ABI2: variants seen among roughly 807,000 people sequenced by gnomAD.
ABI2 encodes abelson interactor 2.
A neutral mutation model predicts 59.2 loss-of-function variants in ABI2; 25 were observed. That is an observed-to-expected ratio of 0.42 (90% confidence interval 0.31 to 0.59). ABI2 has a LOEUF of 0.59. Ranked by LOEUF, ABI2 falls within the 20% of genes least tolerant of loss-of-function variation. The pLI is 0.14. For missense variants in ABI2, 545 were observed against 681.8 expected (o/e 0.80, Z 2.23); for synonymous variants, 213 against 235.5 (o/e 0.90, Z 0.87).
intron 1 of ABI2, among the ~76,000 whole-genome samples, chr2:203,343,411 A>T (rs550120231): frequency 1.3e-5 from 2 of 152,216 alleles, no homozygotes; most frequent in Non-Finnish European, 2.9e-5. Flanking sequence ...TGGTACAAAC[A>T]TGTTATGTGC....
At chr2:203,379,288 C>A (rs1326257264) in intron 2 of ABI2, among the ~76,000 whole-genome samples, 3 of 152,170 alleles carry the variant, frequency 2.0e-5, no homozygotes, top group Non-Finnish European at 1.5e-5. Flanking sequence ...TGCTCTGTCA[C>A]CCAGGCTAGA....
rs10527327 is a variant in ABI2, at chr2:203,385,139, C to CTTTTTTTTTTT, written c.480+2936_480+2946dup. Among the ~76,000 whole-genome samples the CTTTTTTTTTTT allele has an allele frequency of 1.4e-4, 10 of 69,958 alleles. 1 individual carries two copies. Among genetic ancestry groups the CTTTTTTTTTTT allele is most frequent in the African/African-American group, 2.4e-4 (5 of 20,988 alleles). 45.9% of individuals were successfully genotyped at this position (69,958 alleles called of 152,430 possible). A position where few individuals can be genotyped will look rare whatever the true frequency, so the allele number is the denominator to read the frequency against. ...TGAGCCACCGCACCCGGCTCAGATT[C>CTTTTTTTTTTT]TTTTTTTTTTTTTGAGACAGTCTTG... is the stretch of plus-strand genomic sequence containing the variant. On this transcript the variant is annotated intron_variant, in intron 4 of 11. Coordinates refer to ENST00000261018, the MANE Select transcript of ABI2 (RefSeq NM_001375670.1).
chr2:203,351,587 A>G (rs780432085), intron 1 of ABI2: 1 of 438,942 alleles, frequency 2.3e-6, no homozygotes, highest in South Asian at 1.6e-5. Flanking sequence ...GCAGGCTGGA[A>G]TGCAGTGGTG....
intron 1 of ABI2, among the ~76,000 whole-genome samples, chr2:203,340,894 C>T (rs2079468065): frequency 6.6e-6 from 1 of 152,144 alleles, no homozygotes; most frequent in Non-Finnish European, 1.5e-5. Flanking sequence ...CAGCATCTAG[C>T]CTTGACATCA....
chr2:203,332,802 T>A (rs1318735924), intron 1 of ABI2, among the ~76,000 whole-genome samples: 1 of 152,224 alleles, frequency 6.6e-6, no homozygotes, highest in Non-Finnish European at 1.5e-5. Context: ...CCCTGAAATC[T>A]GAAAAGCCAA....
intron 11 of ABI2, among the ~76,000 whole-genome samples, chr2:203,423,753 A>G (rs143313907): frequency 0.01 from 1,567 of 152,260 alleles, 23 homozygotes; most frequent in African/African-American, 0.035. Context: ...GCATGGTACC[A>G]TTATTCTTTG....
chr2:203,396,856 G>T lies in ABI2; in HGVS notation c.922G>T (p.Ala308Ser). The T allele has an allele frequency of 6.5e-7, 1 of 1,534,652 alleles. No homozygotes were observed. Among genetic ancestry groups the T allele is most frequent in the Non-Finnish European group, 8.7e-7 (1 of 1,146,398 alleles). The part of the protein sequence containing the change: ...SASAPAPLVP[A>S]TVPSSTAPDA... ...ATCTGCCCCTGCTCCTCTTGTTCCT[G>T]CTACTGTCCCTTCCTCCACTGCCCC... The change falls in exon 8 of 12, where the codon GCT (alanine) becomes TCT (serine). Residue 308 changes from alanine (A) to serine (S), a missense_variant. By Grantham distance (99) the Ala-to-Ser change is moderately conservative. Coordinates refer to ENST00000261018, the MANE Select transcript of ABI2 (RefSeq NM_001375670.1).
intron 1 of ABI2, among the ~76,000 whole-genome samples, chr2:203,353,006 G>T (rs1270578132): frequency 6.6e-6 from 1 of 151,862 alleles, no homozygotes; most frequent in Non-Finnish European, 1.5e-5. Context: ...ATACCATATA[G>T]CCTAGTGTGT....
intron 1 of ABI2, among the ~76,000 whole-genome samples, chr2:203,336,373 G>A (rs1438431873): frequency 6.6e-6 from 1 of 152,172 alleles, no homozygotes; most frequent in African/African-American, 2.4e-5. Flanking sequence ...GGCTGCATAG[G>A]CCAGTGCTTG....
chr2:203,337,394 C>G (rs1038565063), intron 1 of ABI2, among the ~76,000 whole-genome samples: 2 of 152,120 alleles, frequency 1.3e-5, no homozygotes, highest in African/African-American at 4.8e-5. Context: ...CCATTTATAA[C>G]AGCAGAAAGA....
Position 203,396,782 on chromosome 2 carries a change from C to T in ABI2, c.851-3C>T, listed in dbSNP as rs1453957069. The T allele has an allele frequency of 1.3e-6, 2 of 1,525,572 alleles. No homozygotes were observed. The highest frequency in any genetic ancestry group is 1.8e-6 in the Non-Finnish European group (2 of 1,142,466). 94.5% of individuals were successfully genotyped at this position (1,525,572 alleles called of 1,614,324 possible). A position where few individuals can be genotyped will look rare whatever the true frequency, so the allele number is the denominator to read the frequency against. On this transcript the variant is annotated splice_region_variant and splice_polypyrimidine_tract_variant and intron_variant, in intron 7 of 11. Transcript: ENST00000261018. The stretch of plus-strand genomic sequence containing the variant: ...GCTGCCTCTTACTCCTCTTTCCCCT[C>T]AGCCCCTGCTGGCTCTGCTGGCACT...
At chr2:203,340,761 C>T (rs527784071) in intron 1 of ABI2, among the ~76,000 whole-genome samples, 1 of 151,898 alleles carries the variant, frequency 6.6e-6, no homozygotes, top group South Asian at 2.1e-4. Context: ...ATGTGTGTAT[C>T]ATGTCATCAT....
At chr2:203,377,496 G>C (rs944293043) in intron 2 of ABI2, among the ~76,000 whole-genome samples, 7 of 152,104 alleles carry the variant, frequency 4.6e-5, no homozygotes, top group Non-Finnish European at 8.8e-5. Flanking sequence ...ACCTTTTATT[G>C]ATCTGACGAA....
At chr2:203,422,662 A>G (rs1426732016) in intron 11 of ABI2, among the ~76,000 whole-genome samples, 1 of 152,206 alleles carries the variant, frequency 6.6e-6, no homozygotes, top group Non-Finnish European at 1.5e-5. Context: ...ACATTAGACA[A>G]AGAACTGAGA....
intron 1 of ABI2, among the ~76,000 whole-genome samples, chr2:203,330,497 G>C (rs1304333184): frequency 6.6e-6 from 1 of 152,020 alleles, no homozygotes; most frequent in Admixed American, 6.6e-5. Flanking sequence ...TACCTAGTAG[G>C]AGAGGCTGAT....
Position 203,370,186 on chromosome 2 carries a change from T to TTCTCTCTCTCTCTC in ABI2, c.285+3170_285+3183dup, listed in dbSNP as rs71007509. ...GGCTACGTATGGTGTCATTCTCCTA[T>TTCTCTCTCTCTCTC]TCTCTCTCTCTCTCTCTCTCTCTCT... On this transcript the variant is annotated intron_variant, in intron 2 of 11. Transcript: ENST00000261018. 4.6e-3 allele frequency among the ~76,000 whole-genome samples: 628 copies of TTCTCTCTCTCTCTC among 136,678 alleles called. 6 individuals carry two copies. The highest frequency in any genetic ancestry group is 9.8e-3 in the Admixed American group (132 of 13,516). 89.7% of individuals were successfully genotyped at this position (136,678 alleles called of 152,430 possible). A position where few individuals can be genotyped will look rare whatever the true frequency, so the allele number is the denominator to read the frequency against.
intron 10 of ABI2, among the ~76,000 whole-genome samples, chr2:203,413,338 G>A (rs1312339214): frequency 1.3e-5 from 2 of 152,212 alleles, no homozygotes; most frequent in Non-Finnish European, 2.9e-5. Context: ...AGTGAAAGCT[G>A]CAAGCTTTGT....
At chr2:203,413,516 C>T (rs967065348) in intron 10 of ABI2, among the ~76,000 whole-genome samples, 1 of 152,130 alleles carries the variant, frequency 6.6e-6, no homozygotes, top group African/African-American at 2.4e-5. Context: ...CTAATTTGAC[C>T]ACCCTATCAC....
intron 11 of ABI2, 26 bp downstream of exon 11, chr2:203,417,107 A>G (rs967838360): frequency 1.0e-5 from 16 of 1,574,366 alleles, no homozygotes; most frequent in Non-Finnish European, 1.4e-5. Context: ...ATATCTGGAT[A>G]GATGGGAAGA....
Sources: allele counts gnomAD v4.1 joint callset (sites outside exome capture counted in the v4.1 genomes callset), GRCh38; gene constraint gnomAD v4.1.1; transcripts MANE v1.5; gene names NCBI Gene and HGNC (gene_info 2026-07-23, HGNC 2026-07-21).